The following CNTNAP2 variants were observed in gnomAD, a reference collection of about 807,000 sequenced individuals.
CNTNAP2 encodes contactin associated protein 2.
In CNTNAP2, 98 loss-of-function variants were observed where a neutral mutation model predicts 155.2. The observed-to-expected ratio is 0.63, with a 90% CI of 0.54 to 0.75. The LOEUF is 0.75. CNTNAP2 is among the 30% of genes least tolerant of loss of function. CNTNAP2 has a pLI of 0.00. For synonymous variants in CNTNAP2, 651 were observed against 631.2 expected, an observed-to-expected ratio of 1.03 and a Z score of -0.47; for missense variants, 1,727 against 1,688.1, an observed-to-expected ratio of 1.02 and a Z score of -0.40.
chr7:146,335,149 C>T (rs530861526), intron 1 of CNTNAP2, among the ~76,000 whole-genome samples: 2 of 152,318 alleles, frequency 1.3e-5, no homozygotes, highest in South Asian at 2.1e-4. Context: ...TTTCCACTGA[C>T]TATGCTGGTC....
At chr7:147,670,985 C>T (rs1795777856) in intron 13 of CNTNAP2, among the ~76,000 whole-genome samples, 1 of 152,240 alleles carries the variant, frequency 6.6e-6, no homozygotes. Context: ...GGCATCACGC[C>T]AGACTCTGCC....
intron 1 of CNTNAP2, among the ~76,000 whole-genome samples, chr7:146,659,665 C>T (rs1488053803): frequency 1.3e-5 from 2 of 152,114 alleles, no homozygotes; most frequent in Non-Finnish European, 1.5e-5. Context: ...AATCACAAAA[C>T]ATAAAAGGTA....
At chr7:147,866,796 G>C (rs987922373) in intron 13 of CNTNAP2, among the ~76,000 whole-genome samples, 6 of 148,874 alleles carry the variant, frequency 4.0e-5, no homozygotes, top group African/African-American at 9.9e-5. Context: ...CTTTCCATTT[G>C]CTTGGTAGAT....
rs59489935 is a variant in CNTNAP2 at position 147,231,214 on chromosome 7, T to A, written c.1349-68927T>A. Among the ~76,000 whole-genome samples, 396 of 152,342 alleles carry A rather than the reference T, an allele frequency of 2.6e-3. 1 individual carries two copies. Among genetic ancestry groups the A allele is most frequent in the African/African-American group, 9.0e-3 (373 of 41,582 alleles). On this transcript the variant is annotated intron_variant, in intron 8 of 23. Coordinates refer to ENST00000361727, the MANE Select transcript of CNTNAP2 (RefSeq NM_014141.6). ...TGGGTGGGGACACAGAGCCAAACCA[T>A]ATCACCTAATGTCCTCCAGTTTCAT...
At chr7:147,149,420 A>G (rs762030174) in intron 8 of CNTNAP2, among the ~76,000 whole-genome samples, 40 of 152,218 alleles carry the variant, frequency 2.6e-4, no homozygotes, top group Non-Finnish European at 5.1e-4. Flanking sequence ...CGACCCAGGA[A>G]GTCCAGCTGG....
intron 17 of CNTNAP2, among the ~76,000 whole-genome samples, chr7:148,166,689 C>T (rs894858276): frequency 6.6e-6 from 1 of 152,236 alleles, no homozygotes; most frequent in Non-Finnish European, 1.5e-5. Context: ...ATTAAACCCA[C>T]ATCTCACCTT....
intron 21 of CNTNAP2, among the ~76,000 whole-genome samples, chr7:148,318,752 A>G (rs1370068168): frequency 6.6e-6 from 1 of 152,246 alleles, no homozygotes; most frequent in Non-Finnish European, 1.5e-5. Flanking sequence ...AAACTCATCA[A>G]GATTCTACAA....
intron 4 of CNTNAP2, among the ~76,000 whole-genome samples, chr7:147,099,123 G>A (rs1800605364): frequency 6.6e-6 from 1 of 152,048 alleles, no homozygotes; most frequent in Non-Finnish European, 1.5e-5. Context: ...CTTAGGTCTG[G>A]CTAACTGGAA....
intron 13 of CNTNAP2, among the ~76,000 whole-genome samples, chr7:147,879,868 G>A (rs1383830789): frequency 6.6e-6 from 1 of 151,996 alleles, no homozygotes; most frequent in Non-Finnish European, 1.5e-5. Context: ...TTGAGGGGTG[G>A]ATTTTTCCCC....
intron 21 of CNTNAP2, among the ~76,000 whole-genome samples, chr7:148,294,882 G>A (rs1229875522): frequency 5.9e-5 from 9 of 152,074 alleles, no homozygotes; most frequent in Admixed American, 5.9e-4. Flanking sequence ...GCCATTCTAA[G>A]AATTCAGGGT....
At chr7:146,406,991 A>G (rs1005736676) in intron 1 of CNTNAP2, among the ~76,000 whole-genome samples, 3 of 152,212 alleles carry the variant, frequency 2.0e-5, no homozygotes, top group African/African-American at 7.2e-5. Context: ...CTAAGTAAAC[A>G]TGGTCTAAAT....
chr7:147,716,349 G>A lies in CNTNAP2; in HGVS notation c.2098+77043G>A, dbSNP rs148844660. Among the ~76,000 whole-genome samples, 78 of 152,200 alleles carry A rather than the reference G, an allele frequency of 5.1e-4. 1 individual carries two copies. In the East Asian group the frequency reaches 0.013, roughly 25 times the overall value. On this transcript the variant is annotated intron_variant, in intron 13 of 23. Transcript: ENST00000361727. ...ACAGAGAACGGTTCTGGAAAAATGG[G>A]TTGCCAGTCCACAGTGAAATGCCAG...
chr7:148,360,096 C>T (rs1798590422), intron 21 of CNTNAP2, among the ~76,000 whole-genome samples: 1 of 152,126 alleles, frequency 6.6e-6, no homozygotes, highest in African/African-American at 2.4e-5. Context: ...GAAGGGGGCT[C>T]ACATTTAATT....
chr7:147,731,815 G>T (rs1437383908), intron 13 of CNTNAP2, among the ~76,000 whole-genome samples: 1 of 152,094 alleles, frequency 6.6e-6, no homozygotes, highest in Non-Finnish European at 1.5e-5. Flanking sequence ...GAGTCAAAAG[G>T]TTAACATTAA....
intron 3 of CNTNAP2, among the ~76,000 whole-genome samples, chr7:146,950,165 A>C (rs532280932): frequency 2.4e-4 from 37 of 152,286 alleles, no homozygotes; most frequent in African/African-American, 8.7e-4. Context: ...CAACTTTCTG[A>C]AATAATTATA....
chr7:147,876,718 G>A (rs915029840), intron 13 of CNTNAP2, among the ~76,000 whole-genome samples: 4 of 151,988 alleles, frequency 2.6e-5, no homozygotes, highest in Non-Finnish European at 5.9e-5. Context: ...AGGTAGAGAC[G>A]ATGTTTTCTA....
At chr7:147,337,327 C>G (rs1563165742) in intron 9 of CNTNAP2, among the ~76,000 whole-genome samples, 1 of 152,080 alleles carries the variant, frequency 6.6e-6, no homozygotes, top group Non-Finnish European at 1.5e-5. Flanking sequence ...ACATACTGCC[C>G]TGGGTTTTAT....
chr7:146,248,437 G>A (rs1217155009), intron 1 of CNTNAP2, among the ~76,000 whole-genome samples: 4 of 152,158 alleles, frequency 2.6e-5, no homozygotes, highest in African/African-American at 4.8e-5. Flanking sequence ...AATCAGGGAC[G>A]CATCCCTGGA....
At chr7:148,194,183 A>G (rs1795239735) in intron 18 of CNTNAP2, among the ~76,000 whole-genome samples, 1 of 150,190 alleles carries the variant, frequency 6.7e-6, no homozygotes, top group South Asian at 2.1e-4. Context: ...TTTTTTGTAG[A>G]GACGGGGTTT....
Sources: allele counts gnomAD v4.1 joint callset (sites outside exome capture counted in the v4.1 genomes callset), GRCh38; gene constraint gnomAD v4.1.1; transcripts MANE v1.5; gene names NCBI Gene and HGNC (gene_info 2026-07-23, HGNC 2026-07-21).